The following FANCD2 variants were observed in gnomAD, a reference collection of about 807,000 sequenced individuals.
FANCD2 encodes FA complementation group D2, also known as Fanconi anemia group D2 protein.
A neutral mutation model predicts 192.3 loss-of-function variants in FANCD2; 131 were observed. The observed-to-expected ratio is 0.68, with a 90% CI of 0.59 to 0.79. The LOEUF (loss-of-function observed/expected upper bound fraction) is 0.79, where lower values mean the gene tolerates loss of function less well. Ranked by LOEUF, FANCD2 falls within the 30% of genes least tolerant of loss-of-function variation. The pLI is 0.00. For synonymous variants in FANCD2, 524 were observed against 612.5 expected (o/e 0.86, Z 2.13); for missense variants, 1,508 against 1,701.6 (o/e 0.89, Z 2.00).
At position 10,064,406 on chromosome 3, in the gene FANCD2, G is replaced by A. The variant is rs1344382468; in HGVS notation, c.1998G>A (p.Val666=). ...ICNDFQDAFV[V]DSCVVPEGDF... is the part of the protein sequence containing the mutation. ...ATGATTTCCAGGATGCCTTCGTAGT[G>A]GACTCCTGTGTTGTTCCGGAAGGGT... The change falls in exon 22 of 44, where the codon GTG becomes GTA. Residue 666 remains valine (V), a synonymous_variant. Transcript: ENST00000675286. 2 of 1,613,732 alleles carry A rather than the reference G, an allele frequency of 1.2e-6. No individual in the cohort carries two copies. The highest frequency in any genetic ancestry group is 1.7e-6 in the Non-Finnish European group (2 of 1,179,670).
At chr3:10,027,370 C>T (rs776720139) in intron 1 of FANCD2, among the ~76,000 whole-genome samples, 3 of 152,174 alleles carry the variant, frequency 2.0e-5, no homozygotes, top group Non-Finnish European at 4.4e-5. Context: ...TAGGAATTTC[C>T]AGGCAAATAA....
At position 10,043,217 on chromosome 3, in the gene FANCD2, A is replaced by G. The variant is rs1326219459; in HGVS notation, c.989+67A>G. On this transcript the variant is annotated intron_variant, in intron 12 of 43. Transcript: ENST00000675286. ...CATCCCACTGTCAGAGTTAGAGCTT[A>G]ATACTACTACAAATAATGATACTAT... is the stretch of plus-strand genomic sequence containing the variant. The G allele has an allele frequency of 3.6e-6, 4 of 1,125,558 alleles. No individual in the cohort carries two copies. The African/African-American group carries it at 6.1e-5, about 17-fold the overall frequency. 69.7% of individuals were successfully genotyped at this position (1,125,558 alleles called of 1,614,324 possible). A position where few individuals can be genotyped will look rare whatever the true frequency, so the allele number is the denominator to read the frequency against.
chr3:10,030,256 C>T (rs536771350), intron 2 of FANCD2, among the ~76,000 whole-genome samples: 1 of 152,090 alleles, frequency 6.6e-6, no homozygotes, highest in African/African-American at 2.4e-5. Flanking sequence ...GCCATCATGC[C>T]TGGCTAATTT....
rs749470358 is a variant in FANCD2 at position 10,101,680 on chromosome 3, G to C, written c.*418G>C. ...TTACAGGCATGAGCCACCGCTCCCAGCCATATTTTGTTCTTAAAGTGGGGT... is the reference window on the plus strand; with the variant it reads ...TTACAGGCATGAGCCACCGCTCCCACCCATATTTTGTTCTTAAAGTGGGGT... On this transcript the variant is annotated 3_prime_UTR_variant, in exon 44 of 44. Coordinates refer to ENST00000675286, the MANE Select transcript of FANCD2 (RefSeq NM_001018115.3). The C allele has an allele frequency of 7.2e-6, 2 of 278,512 alleles. No homozygotes were observed. Among genetic ancestry groups the C allele is most frequent in the Non-Finnish European group, 1.4e-5 (2 of 144,278 alleles). The allele number at this position is 278,512 out of a possible 1,614,324, so 17.3% of individuals were successfully genotyped here. A position where few individuals can be genotyped will look rare whatever the true frequency, so the allele number is the denominator to read the frequency against.
chr3:10,042,022 CA>C (rs1027805243), intron 10 of FANCD2, among the ~76,000 whole-genome samples: 2 of 151,972 alleles, frequency 1.3e-5, no homozygotes, highest in East Asian at 3.9e-4. Context: ...CTCAGCCTCC[CA>C]AGTAGCTGGG....
At chr3:10,100,818 C>G (rs1695256611) in intron 43 of FANCD2, among the ~76,000 whole-genome samples, 1 of 152,148 alleles carries the variant, frequency 6.6e-6, no homozygotes, top group South Asian at 2.1e-4. Context: ...GCCTGTAATC[C>G]TAGCACTTTG....
Position 10,034,471 on chromosome 3 carries a change from G to C in FANCD2, c.208G>C (p.Val70Leu). The change falls in exon 4 of 44, where the codon GTG (valine) becomes CTG (leucine). Residue 70 changes from valine (V) to leucine (L), a missense_variant and splice_region_variant. By Grantham distance (32) the Val-to-Leu change is conservative (BLOSUM62 1). Transcript: ENST00000675286. ...KTGESQNQLA[V>L]DQIAFQKKLF... is the part of the protein sequence containing the mutation. ...CAGCTCTTCTTTTTTCTGCATAGCT[G>C]TGGATCAAATAGCTTTCCAAAAGAA... 6.2e-7 allele frequency: 1 copy of C among 1,611,646 alleles called. No individual in the cohort carries two copies. The highest frequency in any genetic ancestry group is 8.5e-7 in the Non-Finnish European group (1 of 1,177,852).
At chr3:10,055,311 G>A (rs1458848674) in intron 18 of FANCD2, among the ~76,000 whole-genome samples, 1 of 151,860 alleles carries the variant, frequency 6.6e-6, no homozygotes, top group African/African-American at 2.4e-5. Context: ...TACCCATTAG[G>A]CAATAATTTG....
Position 10,034,706 on chromosome 3 carries a change from A to C in FANCD2, c.285A>C (p.Glu95Asp), listed in dbSNP as rs1184768610. 11 of 1,563,934 alleles carry C rather than the reference A, an allele frequency of 7.0e-6. No individual in the cohort carries two copies. Among genetic ancestry groups the C allele is most frequent in the Middle Eastern group, 2.1e-4 (1 of 4,826 alleles). The change falls in exon 5 of 44, where the codon GAA (glutamate) becomes GAC (aspartate). Residue 95 changes from glutamate to aspartate, a missense_variant. This residue lies in a region of FANCD2 where 435 missense variants were observed against 421.9 expected (regional missense o/e 1.03). Coordinates refer to ENST00000675286, the MANE Select transcript of FANCD2 (RefSeq NM_001018115.3). ...RHPSYPKIIE[E>D]FVSGLESYIE... Reference sequence around the variant, plus strand: ...TAAATCTCCTTAAGATAATAGAAGAATTTGTTAGTGGCCTGGAGTCTTACA... The same window carrying C: ...TAAATCTCCTTAAGATAATAGAAGACTTTGTTAGTGGCCTGGAGTCTTACA...
At chr3:10,037,496 C>T (rs905953937) in intron 7 of FANCD2, 3 of 152,090 alleles carry the variant, frequency 2.0e-5, no homozygotes, top group African/African-American at 7.2e-5. Flanking sequence ...AATGTCATGT[C>T]TCCTCATTTA....
intron 13 of FANCD2, 25 bp from the exon 14 acceptor site, chr3:10,043,804 T>C (rs555245317): frequency 6.2e-7 from 1 of 1,612,152 alleles, no homozygotes; most frequent in South Asian, 1.1e-5. Flanking sequence ...CATAATATTT[T>C]TGTGACTCTC....
At chr3:10,078,305 G>T in intron 30 of FANCD2, 108 bp downstream of exon 30, 1 of 769,120 alleles carries the variant, frequency 1.3e-6, no homozygotes, top group Non-Finnish European at 2.4e-6. Flanking sequence ...TGGGTCACTG[G>T]GTAGCATGGG....
intron 13 of FANCD2, 40 bp downstream of exon 13, chr3:10,043,632 G>A (rs1338225285): frequency 2.1e-6 from 3 of 1,451,812 alleles, no homozygotes; most frequent in African/African-American, 1.4e-5. Flanking sequence ...GAGGAAATGA[G>A]TGGCAATTAG....
intron 39 of FANCD2, among the ~76,000 whole-genome samples, chr3:10,093,998 A>G (rs1694806203): frequency 6.6e-6 from 1 of 152,278 alleles, no homozygotes; most frequent in Admixed American, 6.5e-5. Context: ...TTATCCTCAG[A>G]TAGAGCTCCC....
At chr3:10,090,132 T>C (rs1342725188) in intron 36 of FANCD2, among the ~76,000 whole-genome samples, 160 bp from the exon 37 acceptor site, 1 of 152,212 alleles carries the variant, frequency 6.6e-6, no homozygotes, top group Non-Finnish European at 1.5e-5. Context: ...CTTGGGCTTA[T>C]TACTGAGTCC....
At chr3:10,062,844 C>G (rs1352728397) in intron 20 of FANCD2, among the ~76,000 whole-genome samples, 1 of 152,012 alleles carries the variant, frequency 6.6e-6, no homozygotes, top group Admixed American at 6.6e-5. Context: ...CACCACCATG[C>G]CCAGTTAAAT....
At chr3:10,042,465 G>C in intron 10 of FANCD2, 94 bp from the exon 11 acceptor site, 1 of 1,021,470 alleles carries the variant, frequency 9.8e-7, no homozygotes, top group Non-Finnish European at 1.6e-6. Context: ...TGGAGTAAGA[G>C]AAGTGATTTT....
intron 18 of FANCD2, among the ~76,000 whole-genome samples, chr3:10,053,193 C>T (rs1249042163): frequency 1.3e-5 from 2 of 149,292 alleles, no homozygotes; most frequent in Admixed American, 6.7e-5. Context: ...GAATACTATG[C>T]AGCCATAAAA....
chr3:10,057,490 G>A (rs1271912616), intron 18 of FANCD2, among the ~76,000 whole-genome samples: 3 of 151,592 alleles, frequency 2.0e-5, no homozygotes, highest in Non-Finnish European at 2.9e-5. Flanking sequence ...TCAGCCTCCC[G>A]TGTAGCTGGG....
Sources: gnomAD v4.1 joint callset for allele counts (sites outside exome capture counted in the v4.1 genomes callset) on GRCh38, gnomAD v4.1.1 for gene constraint, gnomAD v4.1.1 regional missense constraint, MANE v1.5 for transcripts, NCBI Gene and HGNC (gene_info 2026-07-23, HGNC 2026-07-21) for gene names.